IGF2BP3: variants seen among roughly 807,000 people sequenced by gnomAD.
The protein encoded by IGF2BP3 is insulin-like growth factor 2 mRNA-binding protein 3.
Under a neutral mutation model 73.8 loss-of-function variants are expected in IGF2BP3, and 9 were observed. The observed-to-expected ratio is 0.12, with a 90% CI of 0.07 to 0.21. The LOEUF (loss-of-function observed/expected upper bound fraction) is 0.21, where lower values mean the gene tolerates loss of function less well. Ranked by LOEUF, IGF2BP3 falls within the 10% of genes least tolerant of loss-of-function variation. The pLI is 1.00. For missense variants in IGF2BP3, 542 were observed against 714.0 expected (o/e 0.76, Z 2.75); for synonymous variants, 258 against 256.7 (o/e 1.01, Z -0.05).
chr7:23,343,633 C>T, intron 9 of IGF2BP3, 85 bp downstream of exon 9: 3 of 1,327,844 alleles, frequency 2.3e-6, no homozygotes, highest in Non-Finnish European at 3.2e-6. Context: ...GATAATGCCA[C>T]AAAAGAATTC....
At chr7:23,441,778 C>T (rs1787942391) in intron 2 of IGF2BP3, among the ~76,000 whole-genome samples, 2 of 152,034 alleles carry the variant, frequency 1.3e-5, no homozygotes, top group African/African-American at 4.8e-5. Context: ...AAATATTATA[C>T]TTGTATCATT....
At chr7:23,389,360 C>T (rs1199776166) in intron 3 of IGF2BP3, among the ~76,000 whole-genome samples, 1 of 152,006 alleles carries the variant, frequency 6.6e-6, no homozygotes, top group Non-Finnish European at 1.5e-5. Context: ...AGGGGTTTCA[C>T]CATATTGGCC....
intron 3 of IGF2BP3, chr7:23,362,661 C>T (rs146826874): frequency 1.3e-5 from 2 of 152,282 alleles, no homozygotes; most frequent in African/African-American, 2.4e-5. Context: ...TTCAGGTGTC[C>T]TTAGCTTCTA....
intron 9 of IGF2BP3, among the ~76,000 whole-genome samples, chr7:23,342,581 C>A (rs1239851756): frequency 1.3e-5 from 2 of 152,120 alleles, no homozygotes; most frequent in Admixed American, 1.3e-4. Context: ...GAAAAGCAAA[C>A]CAGCTATTAA....
intron 2 of IGF2BP3, among the ~76,000 whole-genome samples, chr7:23,445,356 A>T (rs1788034592): frequency 6.6e-6 from 1 of 151,194 alleles, no homozygotes; most frequent in Admixed American, 6.6e-5. Flanking sequence ...CTTAGTTCCT[A>T]TGGGTGTTTC....
chr7:23,398,182 G>C (rs910274908), intron 3 of IGF2BP3, among the ~76,000 whole-genome samples: 1 of 151,778 alleles, frequency 6.6e-6, no homozygotes, highest in Admixed American at 6.6e-5. Context: ...TTGTCCTTGC[G>C]ATAGTTTGCT....
At chr7:23,406,256 A>G (rs1340348849) in intron 3 of IGF2BP3, among the ~76,000 whole-genome samples, 8 of 152,118 alleles carry the variant, frequency 5.3e-5, no homozygotes, top group Admixed American at 5.2e-4. Context: ...ATACAGTTAC[A>G]GGAAGTGCAC....
chr7:23,323,405 C>A (rs1319784512), intron 10 of IGF2BP3, among the ~76,000 whole-genome samples: 2 of 144,838 alleles, frequency 1.4e-5, no homozygotes, highest in Admixed American at 1.4e-4. Flanking sequence ...TACAGGAGCA[C>A]CCAGATTCAT....
chr7:23,385,309 G>A (rs761582973), intron 3 of IGF2BP3, among the ~76,000 whole-genome samples: 2 of 152,096 alleles, frequency 1.3e-5, no homozygotes, highest in Non-Finnish European at 2.9e-5. Context: ...GGAAGGGAGG[G>A]AGAAAGAAAG....
intron 2 of IGF2BP3, among the ~76,000 whole-genome samples, chr7:23,426,415 C>A (rs1406710154): frequency 6.6e-6 from 1 of 151,320 alleles, no homozygotes; most frequent in African/African-American, 2.4e-5. Context: ...ACTATCTAGT[C>A]AGTACTCAAA....
At chr7:23,401,559 G>C (rs577065231) in intron 3 of IGF2BP3, among the ~76,000 whole-genome samples, 2 of 152,078 alleles carry the variant, frequency 1.3e-5, no homozygotes, top group Admixed American at 6.5e-5. Flanking sequence ...GAGGTCAGGA[G>C]TTCGAGACCA....
chr7:23,336,188 A>T (rs946585944), intron 10 of IGF2BP3, among the ~76,000 whole-genome samples: 1 of 117,044 alleles, frequency 8.5e-6, no homozygotes, highest in Non-Finnish European at 1.6e-5. Context: ...AGTATATATT[A>T]AAAAAAAAAA....
chr7:23,444,409 G>C (rs1050460406), intron 2 of IGF2BP3, among the ~76,000 whole-genome samples: 16 of 151,976 alleles, frequency 1.1e-4, no homozygotes, highest in Non-Finnish European at 2.2e-4. Context: ...TCACTTTACT[G>C]CAATTATTCC....
At chr7:23,372,238 C>A (rs559303038) in intron 3 of IGF2BP3, among the ~76,000 whole-genome samples, 19 of 152,142 alleles carry the variant, frequency 1.2e-4, no homozygotes, top group Non-Finnish European at 2.4e-4. Flanking sequence ...CCACCCCCGG[C>A]TGATTTTTGT....
chr7:23,331,932 A>G (rs112668276), intron 10 of IGF2BP3, among the ~76,000 whole-genome samples: 1,741 of 152,170 alleles, frequency 0.011, 34 homozygotes, highest in African/African-American at 0.039. Flanking sequence ...AAAACTTACA[A>G]TCGTGGCGGA....
At chr7:23,333,203 C>T (rs1304468199) in intron 10 of IGF2BP3, among the ~76,000 whole-genome samples, 3 of 152,218 alleles carry the variant, frequency 2.0e-5, no homozygotes, top group Non-Finnish European at 4.4e-5. Context: ...ACAAATCTGG[C>T]TTTAAGCTTC....
chr7:23,356,907 G>C (rs953947112), intron 5 of IGF2BP3, among the ~76,000 whole-genome samples: 7 of 152,254 alleles, frequency 4.6e-5, no homozygotes, highest in Admixed American at 3.9e-4. Flanking sequence ...GACGGGATAG[G>C]AAACTGTGGT....
At chr7:23,432,466 C>G (rs1787708093) in intron 2 of IGF2BP3, among the ~76,000 whole-genome samples, 1 of 151,908 alleles carries the variant, frequency 6.6e-6, no homozygotes. Context: ...TGTTTTACTT[C>G]TTAATGTGAC....
At chr7:23,419,085 A>C (rs1180158020) in intron 2 of IGF2BP3, among the ~76,000 whole-genome samples, 1 of 152,218 alleles carries the variant, frequency 6.6e-6, no homozygotes, top group Non-Finnish European at 1.5e-5. Flanking sequence ...AGAATGTTTA[A>C]AACACACTTA....
Sources: allele counts gnomAD v4.1 joint callset (sites outside exome capture counted in the v4.1 genomes callset), GRCh38; gene constraint gnomAD v4.1.1; transcripts MANE v1.5; gene names NCBI Gene and HGNC (gene_info 2026-07-23, HGNC 2026-07-21).